The following PPARD variants were observed in gnomAD, a reference collection of about 807,000 sequenced individuals.
PPARD encodes the protein peroxisome proliferator activated receptor delta.
Under a neutral mutation model 39.5 loss-of-function variants are expected in PPARD, and 6 were observed. That is an observed-to-expected ratio of 0.15 (90% CI 0.08 to 0.30). PPARD has a LOEUF of 0.30. PPARD is among the 10% of genes least tolerant of loss of function. PPARD has a pLI of 1.00. For synonymous variants in PPARD, 210 were observed against 231.3 expected, an observed-to-expected ratio of 0.91 and a Z score of 0.83; for missense variants, 397 against 596.8, an observed-to-expected ratio of 0.67 and a Z score of 3.49.
chr6:35,354,966 T>G (rs1361778973), intron 2 of PPARD, among the ~76,000 whole-genome samples: 1 of 152,168 alleles, frequency 6.6e-6, no homozygotes, highest in Non-Finnish European at 1.5e-5. Flanking sequence ...TCCTGAGCCT[T>G]CATTTTCTTC....
chr6:35,382,503 A>G (rs1763209227), intron 2 of PPARD, among the ~76,000 whole-genome samples: 3 of 152,234 alleles, frequency 2.0e-5, no homozygotes, highest in African/African-American at 7.2e-5. Flanking sequence ...TATAAAATGT[A>G]TTGACAGTTA....
At chr6:35,369,793 C>T (rs796295148) in intron 2 of PPARD, among the ~76,000 whole-genome samples, 1 of 152,314 alleles carries the variant, frequency 6.6e-6, no homozygotes, top group African/African-American at 2.4e-5. Flanking sequence ...GCTCTCTGCA[C>T]TCAGAAATTA....
intron 1 of PPARD, among the ~76,000 whole-genome samples, chr6:35,343,208 A>C (rs575256086): frequency 6.7e-6 from 1 of 149,782 alleles, no homozygotes; most frequent in African/African-American, 2.5e-5. Flanking sequence ...CTCAGGCTTT[A>C]CTCTCTCTCC....
intron 3 of PPARD, among the ~76,000 whole-genome samples, 161 bp from the exon 4 acceptor site, chr6:35,419,966 G>C (rs1206104306): frequency 6.6e-6 from 1 of 152,188 alleles, no homozygotes; most frequent in Non-Finnish European, 1.5e-5. Flanking sequence ...GAAGCTGTCA[G>C]TACCCCCTGT....
intron 3 of PPARD, among the ~76,000 whole-genome samples, chr6:35,416,247 G>A (rs1348426847): frequency 5.3e-5 from 8 of 151,588 alleles, no homozygotes; most frequent in African/African-American, 4.9e-5. Context: ...CTAGCTGGGC[G>A]CCTGTAATCC....
intron 2 of PPARD, among the ~76,000 whole-genome samples, chr6:35,394,620 A>C (rs2150689173): frequency 6.6e-6 from 1 of 151,798 alleles, no homozygotes; most frequent in South Asian, 2.1e-4. Flanking sequence ...AAAATACAAA[A>C]ATTATCTGGG....
intron 2 of PPARD, chr6:35,349,133 C>T: frequency 3.0e-6 from 2 of 677,204 alleles, no homozygotes; most frequent in Non-Finnish European, 3.6e-6. Context: ...TCACACCATT[C>T]TCCTGCCTAA....
In PPARD at chr6:35,363,969, T is replaced by C. The variant is rs60987797; in HGVS notation, c.-102+16819T>C. 0.14 allele frequency among the ~76,000 whole-genome samples: 20,504 copies of C among 150,374 alleles called. 3,603 individuals are homozygous for C. Among genetic ancestry groups the C allele is most frequent in the African/African-American group, 0.41 (16,643 of 41,006 alleles). On this transcript the variant is annotated intron_variant, in intron 2 of 7. Coordinates refer to ENST00000360694, the MANE Select transcript of PPARD (RefSeq NM_006238.5). The surrounding 1 kb of genome is among the most constrained non-coding windows in gnomAD (Gnocchi z 4.5). Reference sequence around the variant, plus strand: ...ATTATATTAACGGTTTTATATATTATTTTAGCTGTGTTGTTTATATATTAT... The same window carrying C: ...ATTATATTAACGGTTTTATATATTACTTTAGCTGTGTTGTTTATATATTAT...
chr6:35,409,293 C>T (rs1325033363), intron 2 of PPARD, among the ~76,000 whole-genome samples: 3 of 151,840 alleles, frequency 2.0e-5, no homozygotes, highest in East Asian at 1.9e-4. Context: ...TTGCTTGAGC[C>T]CAGGAGTCCA....
chr6:35,391,328 GA>G (rs1461690734), intron 2 of PPARD, among the ~76,000 whole-genome samples: 2 of 152,228 alleles, frequency 1.3e-5, no homozygotes, highest in Admixed American at 1.3e-4. Context: ...CCTTCACCAA[GA>G]TTCACCAGTT....
chr6:35,366,211 T>C lies in PPARD; in HGVS notation c.-102+19061T>C, dbSNP rs1410517192. 6.6e-6 allele frequency among the ~76,000 whole-genome samples: 1 copy of C among 151,710 alleles called. No individual in the cohort carries two copies. The highest frequency in any genetic ancestry group is 1.5e-5 in the Non-Finnish European group (1 of 68,032). ...GGGTTAGGAGAGATTTACACAAATA[T>C]GTGAATACCAGAAGGTGAGGATTGT... On this transcript the variant is annotated intron_variant, in intron 2 of 7. Transcript: ENST00000360694. This position sits in a 1 kb window ranked among gnomAD's most constrained non-coding sequence, Gnocchi z 4.6.
intron 2 of PPARD, among the ~76,000 whole-genome samples, chr6:35,361,493 AAAAAT>A (rs757297403): frequency 3.3e-5 from 5 of 152,208 alleles, no homozygotes; most frequent in South Asian, 2.1e-4. Flanking sequence ...ATTTATTTAA[AAAAAT>A]AAAATAATAA....
chr6:35,346,700 G>A (rs550256309), intron 1 of PPARD, among the ~76,000 whole-genome samples: 1 of 152,296 alleles, frequency 6.6e-6, no homozygotes, highest in Non-Finnish European at 1.5e-5. Context: ...CTGGTGATTG[G>A]CATGTGACTC....
chr6:35,384,754 T>C (rs1763480398), intron 2 of PPARD, among the ~76,000 whole-genome samples: 1 of 61,994 alleles, frequency 1.6e-5, no homozygotes, highest in Non-Finnish European at 2.8e-5. Context: ...GGAGCCCCTC[T>C]GCCCGGCCAG....
At chr6:35,394,417 C>CT (rs1354291129) in intron 2 of PPARD, among the ~76,000 whole-genome samples, 3 of 152,098 alleles carry the variant, frequency 2.0e-5, no homozygotes, top group Admixed American at 1.3e-4. Flanking sequence ...CTTGTAAAAC[C>CT]TTTTTTTAAA....
intron 2 of PPARD, among the ~76,000 whole-genome samples, chr6:35,397,147 T>C (rs1764380965): frequency 6.6e-6 from 1 of 151,882 alleles, no homozygotes; most frequent in African/African-American, 2.4e-5. Flanking sequence ...ATATAAACGT[T>C]TTAAAGGCAC....
intron 2 of PPARD, among the ~76,000 whole-genome samples, chr6:35,379,278 ATT>A (rs1762998638): frequency 6.6e-6 from 1 of 151,428 alleles, no homozygotes; most frequent in African/African-American, 2.4e-5. Context: ...TAATTTTTGT[ATT>A]TTTAGTAGAG....
At chr6:35,395,026 C>T (rs1237586938) in intron 2 of PPARD, among the ~76,000 whole-genome samples, 5 of 152,030 alleles carry the variant, frequency 3.3e-5, no homozygotes, top group African/African-American at 1.2e-4. Flanking sequence ...GGGGGTGTAC[C>T]TGTCATATAA....
chr6:35,423,114 C>G (rs776550684), intron 5 of PPARD, among the ~76,000 whole-genome samples: 1 of 151,064 alleles, frequency 6.6e-6, no homozygotes, highest in African/African-American at 2.4e-5. Flanking sequence ...ACCTGTAGTC[C>G]CAGCTACTCA....
Sources: allele counts gnomAD v4.1 joint callset (sites outside exome capture counted in the v4.1 genomes callset), GRCh38; gene constraint gnomAD v4.1.1; non-coding constraint Gnocchi (gnomAD v3.1); transcripts MANE v1.5; gene names NCBI Gene and HGNC (gene_info 2026-07-23, HGNC 2026-07-21).